TTC39C: variants seen among roughly 807,000 people sequenced by gnomAD.
The protein encoded by TTC39C is tetratricopeptide repeat protein 39C.
In TTC39C, 33 loss-of-function variants were observed where a neutral mutation model predicts 76.3. That is an observed-to-expected ratio of 0.43 (90% CI 0.33 to 0.58). The LOEUF is 0.58. Among genes scored for constraint, TTC39C ranks in the 20% least tolerant of loss-of-function variants. The pLI is 0.04. For synonymous variants in TTC39C, 254 were observed against 260.6 expected (o/e 0.97, Z 0.24); for missense variants, 595 against 701.4 (o/e 0.85, Z 1.71).
chr18:24,105,082 T>C (rs145477434), intron 6 of TTC39C, among the ~76,000 whole-genome samples: 5 of 151,070 alleles, frequency 3.3e-5, no homozygotes, highest in African/African-American at 1.2e-4. Context: ...ACCCTGGATG[T>C]TAACCTACTA....
At chr18:24,040,225 G>A (rs1413034399) in intron 1 of TTC39C, among the ~76,000 whole-genome samples, 1 of 152,188 alleles carries the variant, frequency 6.6e-6, no homozygotes, top group Non-Finnish European at 1.5e-5. Context: ...TTTTGATGTG[G>A]GGCTGAGGCT....
At chr18:24,058,584 G>A (rs1263784169) in intron 1 of TTC39C, among the ~76,000 whole-genome samples, 1 of 152,126 alleles carries the variant, frequency 6.6e-6, no homozygotes, top group African/African-American at 2.4e-5. Context: ...GAACCCAGGA[G>A]GCGGAGGCTG....
intron 1 of TTC39C, among the ~76,000 whole-genome samples, chr18:24,027,554 G>A (rs1259484085): frequency 6.7e-6 from 1 of 150,126 alleles, no homozygotes; most frequent in African/African-American, 2.4e-5. Flanking sequence ...ACATCTCTGA[G>A]GTGACTTTTT....
chr18:24,081,893 A>C (rs925360405), intron 5 of TTC39C, among the ~76,000 whole-genome samples: 1 of 152,218 alleles, frequency 6.6e-6, no homozygotes, highest in Non-Finnish European at 1.5e-5. Context: ...TAAAGAAATG[A>C]ATAGAATTAA....
chr18:24,117,743 C>T (rs1024497629), intron 7 of TTC39C, among the ~76,000 whole-genome samples: 3 of 151,802 alleles, frequency 2.0e-5, no homozygotes, highest in East Asian at 3.9e-4. Context: ...GTGGTAGTCA[C>T]TGAGTACATA....
chr18:24,124,342 A>C (rs1290818461), intron 9 of TTC39C: 1 of 153,706 alleles, frequency 6.5e-6, no homozygotes, highest in East Asian at 1.9e-4. Context: ...GCTAATGAAC[A>C]CACCTCTAGA....
At chr18:24,037,134 T>C (rs1356843211) in intron 1 of TTC39C, among the ~76,000 whole-genome samples, 1 of 152,220 alleles carries the variant, frequency 6.6e-6, no homozygotes, top group African/African-American at 2.4e-5. Context: ...GCTTTTGGTC[T>C]TTTACTATTG....
At chr18:24,109,778 G>T (rs2084788821) in intron 6 of TTC39C, among the ~76,000 whole-genome samples, 1 of 152,102 alleles carries the variant, frequency 6.6e-6, no homozygotes, top group Non-Finnish European at 1.5e-5. Flanking sequence ...GCTGAGGGAG[G>T]CGGATCACTT....
In TTC39C at chr18:24,118,168, T is replaced by G; in HGVS notation, c.1122T>G (p.Asp374Glu). ...MIELNFKDAF[D>E]SFERLKNESR... is the part of the protein sequence containing the mutation. Reference sequence around the variant, plus strand: ...AGCTCAATTTCAAGGATGCATTTGATTCCTTTGAGAGGCTAAAAAATGAGT... The same window carrying G: ...AGCTCAATTTCAAGGATGCATTTGAGTCCTTTGAGAGGCTAAAAAATGAGT... The change falls in exon 8 of 14, where the codon GAT becomes GAG. Residue 374 changes from aspartate (D) to glutamate (E), a missense_variant. Physicochemically the swap from Asp to Glu is conservative, Grantham distance 45. Transcript: ENST00000317571. 3.1e-6 allele frequency: 5 copies of G among 1,614,056 alleles called. No homozygotes were observed. The highest frequency in any genetic ancestry group is 4.2e-6 in the Non-Finnish European group (5 of 1,179,966).
At chr18:24,021,785 A>G (rs1299947633) in intron 1 of TTC39C, among the ~76,000 whole-genome samples, 2 of 151,980 alleles carry the variant, frequency 1.3e-5, no homozygotes, top group Admixed American at 6.5e-5. Flanking sequence ...ATATGCCTAC[A>G]TATATCTAAG....
At chr18:24,095,249 T>C (rs573090895) in intron 6 of TTC39C, among the ~76,000 whole-genome samples, 2 of 152,320 alleles carry the variant, frequency 1.3e-5, no homozygotes, top group Admixed American at 1.3e-4. Context: ...TGAAGAGAGT[T>C]AGGATCTTGC....
chr18:24,010,485 G>T (rs945735141), upstream of TTC39C, among the ~76,000 whole-genome samples: 1 of 152,206 alleles, frequency 6.6e-6, no homozygotes, highest in African/African-American at 2.4e-5. Flanking sequence ...TCTAGTTAAA[G>T]GTAGTTAATT....
intron 1 of TTC39C, among the ~76,000 whole-genome samples, chr18:24,040,118 G>A (rs922122890): frequency 5.9e-5 from 9 of 152,192 alleles, no homozygotes; most frequent in Admixed American, 1.3e-4. Flanking sequence ...GATTGGGACC[G>A]TGATTGGGAC....
chr18:24,058,448 C>T (rs1423309163), intron 1 of TTC39C, among the ~76,000 whole-genome samples: 1 of 152,006 alleles, frequency 6.6e-6, no homozygotes, highest in Non-Finnish European at 1.5e-5. Context: ...TGAAGTCTGG[C>T]GTTTGAGACC....
intron 6 of TTC39C, among the ~76,000 whole-genome samples, chr18:24,110,286 A>G (rs1406121902): frequency 6.6e-6 from 1 of 152,236 alleles, no homozygotes; most frequent in East Asian, 1.9e-4. Flanking sequence ...ATTTAGTAAA[A>G]AACGGCATCT....
rs117643047 is a variant in TTC39C, at chr18:24,002,739, G to A, written c.-17+9701G>A. Among the ~76,000 whole-genome samples, 36 of 152,268 alleles carry A rather than the reference G, an allele frequency of 2.4e-4. No individual in the cohort carries two copies. The East Asian group carries it at 6.0e-3, about 25-fold the overall frequency. On this transcript the variant is annotated intron_variant, in intron 1 of 13. Transcript: ENST00000304621. ...CCAAACTGTAGAAAAAAGCAGAATC[G>A]TGGTGTCACTGAGTGAACGTATGTA...
Position 24,133,863 on chromosome 18 carries a change from G to T in TTC39C, c.*1289G>T, listed in dbSNP as rs1002946027. The T allele has an allele frequency of 5.3e-5, 8 of 151,854 alleles. No homozygotes were observed. The highest frequency in any genetic ancestry group is 1.2e-4 in the African/African-American group (5 of 41,264). The allele number at this position is 151,854 out of a possible 1,614,324, so 9.4% of individuals were successfully genotyped here. Reference sequence around the variant, plus strand: ...TTGAGCTAAAGGATATCATTTTAGGGTATCGTTTATTTACAAATTCTTTTG... The same window carrying T: ...TTGAGCTAAAGGATATCATTTTAGGTTATCGTTTATTTACAAATTCTTTTG... On this transcript the variant is annotated 3_prime_UTR_variant, in exon 14 of 14. Transcript: ENST00000317571.
rs75198352 is a variant in TTC39C, at chr18:24,017,696, T to G, written c.167+2658T>G. Among the ~76,000 whole-genome samples, 49 of 152,372 alleles carry G rather than the reference T, an allele frequency of 3.2e-4. 1 individual carries two copies. The East Asian group carries it at 9.4e-3, about 29-fold the overall frequency. The stretch of plus-strand genomic sequence containing the variant: ...GCCTGCTGAAGGCTCAGCAGTGACT[T>G]GATAAATGTTTGAGGAGCACCCCCC... On this transcript the variant is annotated intron_variant, in intron 1 of 13. Coordinates refer to ENST00000317571, the MANE Select transcript of TTC39C (RefSeq NM_001135993.2).
chr18:24,045,456 G>C (rs2083856548), intron 1 of TTC39C, among the ~76,000 whole-genome samples: 1 of 152,002 alleles, frequency 6.6e-6, no homozygotes, highest in South Asian at 2.1e-4. Flanking sequence ...ATTCAGTTTT[G>C]TTTTGTGAAA....
Sources: gnomAD v4.1 joint callset for allele counts (sites outside exome capture counted in the v4.1 genomes callset) on GRCh38, gnomAD v4.1.1 for gene constraint, MANE v1.5 for transcripts, NCBI Gene and HGNC (gene_info 2026-07-23, HGNC 2026-07-21) for gene names.